The following INSRR variants were observed in gnomAD, a reference collection of about 807,000 sequenced individuals.
INSRR encodes the protein insulin receptor related receptor.
A neutral mutation model predicts 130.0 loss-of-function variants in INSRR; 114 were observed. The observed-to-expected ratio is 0.88, with a 90% CI of 0.75 to 1.02. INSRR has a LOEUF of 1.02. INSRR is among the 50% of genes least tolerant of loss of function. The probability of loss-of-function intolerance (pLI) is 0.00; values close to 1 mark genes in which losing one functional copy is unlikely to be tolerated. For synonymous variants in INSRR, 674 were observed against 705.2 expected (o/e 0.96, Z 0.70); for missense variants, 1,657 against 1,735.2 (o/e 0.95, Z 0.80).
At chr1:156,853,117 G>T (rs1425728974) in intron 2 of INSRR, among the ~76,000 whole-genome samples, 2 of 151,882 alleles carry the variant, frequency 1.3e-5, no homozygotes, top group Non-Finnish European at 2.9e-5. Flanking sequence ...TCATCCTAAA[G>T]GTCCCACCTT....
At chr1:156,851,482 G>A (rs1311649196) in intron 4 of INSRR, 48 bp from the exon 5 acceptor site, 11 of 1,611,798 alleles carry the variant, frequency 6.8e-6, no homozygotes, top group Middle Eastern at 1.6e-4. Context: ...AAGGTGATGG[G>A]TCTGTGGGGC....
intron 1 of INSRR, among the ~76,000 whole-genome samples, chr1:156,857,672 C>T (rs1023213967): frequency 6.6e-6 from 1 of 152,180 alleles, no homozygotes. Context: ...CATCACTCTC[C>T]CATCTCCATG....
At chr1:156,848,794 A>C in intron 7 of INSRR, 127 bp downstream of exon 7, 2 of 1,157,198 alleles carry the variant, frequency 1.7e-6, no homozygotes, top group Non-Finnish European at 2.4e-6. Context: ...CACGGAGTAC[A>C]ACTTGCGGGT....
rs745547166 is a variant in INSRR at position 156,843,164 on chromosome 1, G to A, written c.2966C>T (p.Ser989Phe). Residue 989 changes from serine (S) to phenylalanine (F), a missense_variant, in exon 17 of 22, where the codon TCT becomes TTT. Ser to Phe is a radical substitution (Grantham distance 155, BLOSUM62 -2). Coordinates refer to ENST00000368195, the MANE Select transcript of INSRR (RefSeq NM_014215.3). ...ISIIRELGQG[S>F]FGMVYEGLAR... The stretch of plus-strand genomic sequence containing the variant: ...CAGCCCCTCATATACCATCCCAAAA[G>A]AGCCCTGGCCCAGTTCCCGGATTAT... The A allele has an allele frequency of 6.2e-7, 1 of 1,614,022 alleles. No homozygotes were observed. The highest frequency in any genetic ancestry group is 1.1e-5 in the South Asian group (1 of 91,068).
chr1:156,858,681 G>T lies in INSRR; in HGVS notation c.-60C>A. On this transcript the variant is annotated 5_prime_UTR_variant, in exon 1 of 22. Coordinates refer to ENST00000368195, the MANE Select transcript of INSRR (RefSeq NM_014215.3). ...TCCTCCCGGTGACTCTGGGGAGAAC[G>T]GTGTGATAAGCCCTAAGGGACACAG... 3 of 1,424,064 alleles carry T rather than the reference G, an allele frequency of 2.1e-6. No homozygotes were observed. Among genetic ancestry groups the T allele is most frequent in the Non-Finnish European group, 2.0e-6 (2 of 1,007,190 alleles). 88.2% of individuals were successfully genotyped at this position (1,424,064 alleles called of 1,614,324 possible).
At position 156,844,269 on chromosome 1, in the gene INSRR, C is replaced by T. The variant is rs575113619; in HGVS notation, c.2749G>A (p.Ala917Thr). Residue 917 changes from alanine to threonine, a missense_variant, in exon 15 of 22, where the codon GCT becomes ACT. Ala to Thr is a moderately conservative substitution (Grantham distance 58). Transcript: ENST00000368195. ...GTGAGGAGGACATGCAGCCCCCCAG[C>T]ATCCTCCTCCTCTGGCAGTCAGAGG... ...FYILGPEEED[A>T]GGLHVLLTAT... The T allele has an allele frequency of 6.0e-5, 97 of 1,612,968 alleles. 2 individuals carry two copies. The South Asian group carries it at 1.0e-3, about 17-fold the overall frequency.
chr1:156,844,301 G>T, intron 14 of INSRR, 21 bp from the exon 15 acceptor site: 3 of 1,598,282 alleles, frequency 1.9e-6, no homozygotes, highest in Non-Finnish European at 2.6e-6. Flanking sequence ...GAGGGCAGCA[G>T]AGGGTAGAGT....
At chr1:156,848,031 T>C (rs1421463436) in intron 7 of INSRR, among the ~76,000 whole-genome samples, 1 of 152,136 alleles carries the variant, frequency 6.6e-6, no homozygotes, top group Non-Finnish European at 1.5e-5. Context: ...TGTGAATTCT[T>C]GGGCCCTGCT....
chr1:156,845,517 A>G, intron 10 of INSRR, 102 bp downstream of exon 10: 4 of 1,477,056 alleles, frequency 2.7e-6, no homozygotes, highest in Middle Eastern at 4.9e-4. Flanking sequence ...GGACCCGCCC[A>G]CACAAGCAAG....
At chr1:156,846,484 C>A (rs771276869) in intron 8 of INSRR, 35 bp downstream of exon 8, 1 of 1,513,586 alleles carries the variant, frequency 6.6e-7, no homozygotes, top group African/African-American at 1.4e-5. Flanking sequence ...TGGATGCAGG[C>A]GTCTGACTGA....
chr1:156,853,477 T>C (rs376025569), intron 2 of INSRR, among the ~76,000 whole-genome samples: 2 of 152,190 alleles, frequency 1.3e-5, no homozygotes, highest in East Asian at 3.8e-4. Context: ...CTGCCTACTC[T>C]CTGTTCATGC....
Position 156,846,155 on chromosome 1 carries a change from G to T in INSRR, c.1811-36C>A, listed in dbSNP as rs779940968. On this transcript the variant is annotated intron_variant, in intron 8 of 21. Coordinates refer to ENST00000368195, the MANE Select transcript of INSRR (RefSeq NM_014215.3). ...GAGAAGGATGCAACTCAGGGGTGTG[G>T]GTCTTCCTCCTGAATACTATCTAGT... 2.5e-5 allele frequency: 38 copies of T among 1,540,866 alleles called. No homozygotes were observed. In the African/African-American group the frequency reaches 5.2e-4, roughly 21 times the overall value.
Position 156,849,158 on chromosome 1 carries a change from A to G in INSRR, c.1444+88T>C, listed in dbSNP as rs551457654. 4 of 1,599,898 alleles carry G rather than the reference A, an allele frequency of 2.5e-6. No individual in the cohort carries two copies. In the Admixed American group the frequency reaches 6.7e-5, roughly 27 times the overall value. ...GAGACCTCTGAGGAGAACTTCTCAG[A>G]GTGTCCCCCTCGAGCTTTCTCCCTC... On this transcript the variant is annotated intron_variant, in intron 6 of 21. Coordinates refer to ENST00000368195, the MANE Select transcript of INSRR (RefSeq NM_014215.3).
At chr1:156,856,895 C>T (rs1057102292) in intron 1 of INSRR, among the ~76,000 whole-genome samples, 6 of 152,180 alleles carry the variant, frequency 3.9e-5, no homozygotes, top group African/African-American at 9.7e-5. Flanking sequence ...GAGGACCTTC[C>T]GTGGCTCCCC....
Position 156,853,732 on chromosome 1 carries a change from T to C in INSRR, c.637+20A>G. On this transcript the variant is annotated intron_variant, in intron 2 of 21. Transcript: ENST00000368195. ...CTGCTCTCTCCCTTCCCTACATTCATGTTCTGTGCCAGTGCCCACCTCTCT... is the reference window on the plus strand; with the variant it reads ...CTGCTCTCTCCCTTCCCTACATTCACGTTCTGTGCCAGTGCCCACCTCTCT... 6.3e-7 allele frequency: 1 copy of C among 1,582,044 alleles called. No individual in the cohort carries two copies. Among genetic ancestry groups the C allele is most frequent in the Non-Finnish European group, 8.6e-7 (1 of 1,158,108 alleles).
chr1:156,843,489 G>A lies in INSRR; in HGVS notation c.2844-10C>T. The A allele has an allele frequency of 1.2e-6, 2 of 1,614,156 alleles. No individual in the cohort carries two copies. Among genetic ancestry groups the A allele is most frequent in the South Asian group, 1.1e-5 (1 of 91,080 alleles). ...ATACAGGGTTCTGTTTCTGCAACGG[G>A]AGGTGAGGGGGTCAGGCTGGAAGGG... On this transcript the variant is annotated splice_polypyrimidine_tract_variant and intron_variant, in intron 15 of 21. Transcript: ENST00000368195.
rs542147641 is a variant in INSRR at position 156,853,043 on chromosome 1, G to A, written c.637+709C>T. Among the ~76,000 whole-genome samples the A allele has an allele frequency of 6.6e-5, 10 of 152,180 alleles. No individual in the cohort carries two copies. In the South Asian group the frequency reaches 1.9e-3, roughly 28 times the overall value. On this transcript the variant is annotated intron_variant, in intron 2 of 21. Coordinates refer to ENST00000368195, the MANE Select transcript of INSRR (RefSeq NM_014215.3). ...TTCCTATAACGTTTTGCTTACTCCT[G>A]CACCAGCCATCCCTTTTCTTTCCTC...
chr1:156,843,274 T>G (rs762364250), intron 16 of INSRR, 41 bp from the exon 17 acceptor site: 5 of 1,592,364 alleles, frequency 3.1e-6, no homozygotes, highest in Non-Finnish European at 4.3e-6. Context: ...GATGCTGCTC[T>G]CTGCCACACC....
intron 8 of INSRR, 60 bp downstream of exon 8, chr1:156,846,459 G>C: frequency 7.4e-7 from 1 of 1,354,304 alleles, no homozygotes; most frequent in Non-Finnish European, 1.1e-6. Context: ...TGGTGCCTGT[G>C]CTCCCCTGTT....
Sources: gnomAD v4.1 joint callset for allele counts (sites outside exome capture counted in the v4.1 genomes callset) on GRCh38, gnomAD v4.1.1 for gene constraint, MANE v1.5 for transcripts, NCBI Gene and HGNC (gene_info 2026-07-23, HGNC 2026-07-21) for gene names.